Variants in GPR149 observed in about 807,000 individuals in gnomAD.
GPR149 encodes G protein-coupled receptor 149, also known as probable G protein-coupled receptor 149.
A neutral mutation model predicts 50.2 loss-of-function variants in GPR149; 50 were observed. That is an observed-to-expected ratio of 1.00 (90% CI 0.79 to 1.26). The LOEUF (loss-of-function observed/expected upper bound fraction) is 1.26. Ranked by LOEUF, GPR149 falls within the 50% of genes most tolerant of loss-of-function variation. The pLI is 0.00. For missense variants in GPR149, 983 were observed against 895.4 expected, an observed-to-expected ratio of 1.10 and a Z score of -1.25; for synonymous variants, 405 against 358.2, an observed-to-expected ratio of 1.13 and a Z score of -1.48.
chr3:154,398,122 A>C (rs1386447278), intron 3 of GPR149, among the ~76,000 whole-genome samples: 1 of 152,226 alleles, frequency 6.6e-6, no homozygotes, highest in African/African-American at 2.4e-5. Flanking sequence ...TGCCAGTTGC[A>C]GTTGTTAAAC....
Position 154,428,824 on chromosome 3 carries a change from A to C in GPR149, c.792T>G (p.Ser264=). 1 of 1,613,752 alleles carries C rather than the reference A, an allele frequency of 6.2e-7. No individual in the cohort carries two copies. Among genetic ancestry groups the C allele is most frequent in the Non-Finnish European group, 8.5e-7 (1 of 1,179,908 alleles). Residue 264 remains serine (S), a synonymous_variant, in exon 1 of 4, where the codon TCT becomes TCG. Coordinates refer to ENST00000389740, the MANE Select transcript of GPR149 (RefSeq NM_001038705.3). ...TGTCGGAGCTCGGAGAGCATCCCCC[A>C]GAGCGCCGCAGACTCGGGCCTGGAG... ...EDAPGPSLRR[S]GGCSPSSDTV... is the part of the protein sequence containing the mutation.
intron 3 of GPR149, among the ~76,000 whole-genome samples, chr3:154,416,690 CT>C (rs1711999978): frequency 6.6e-6 from 1 of 151,886 alleles, no homozygotes; most frequent in Non-Finnish European, 1.5e-5. Context: ...TTCCTCGATT[CT>C]CAGGCGACTT....
intron 3 of GPR149, among the ~76,000 whole-genome samples, chr3:154,407,719 C>T (rs1011877711): frequency 2.0e-5 from 3 of 150,368 alleles, no homozygotes. Context: ...CACACACACA[C>T]ATATATATAT....
At chr3:154,408,387 G>A (rs995436656) in intron 3 of GPR149, among the ~76,000 whole-genome samples, 5 of 152,204 alleles carry the variant, frequency 3.3e-5, no homozygotes, top group Non-Finnish European at 7.4e-5. Context: ...AAACCTGTGA[G>A]TCAGCTTGCA....
chr3:154,424,698 T>C (rs1046871665), intron 2 of GPR149, among the ~76,000 whole-genome samples: 20 of 151,818 alleles, frequency 1.3e-4, no homozygotes, highest in Non-Finnish European at 2.7e-4. Context: ...ATAAATATAA[T>C]TTTTGTTCTT....
chr3:154,371,602 T>C (rs1231387570), intron 3 of GPR149, among the ~76,000 whole-genome samples: 1 of 152,220 alleles, frequency 6.6e-6, no homozygotes. Context: ...ATTCTCTAGC[T>C]GCAGTAGTCC....
At chr3:154,385,426 A>G (rs1485108263) in intron 3 of GPR149, among the ~76,000 whole-genome samples, 2 of 152,150 alleles carry the variant, frequency 1.3e-5, no homozygotes, top group East Asian at 1.9e-4. Context: ...CAATAAACCA[A>G]TCATTGTCCT....
intron 3 of GPR149, among the ~76,000 whole-genome samples, chr3:154,379,536 T>A (rs78228005): frequency 0.048 from 7,368 of 152,194 alleles, 589 homozygotes; most frequent in African/African-American, 0.17. Context: ...TCACAGTAAT[T>A]TTTTCCTAAA....
At chr3:154,358,659 G>A (rs1021019334) in intron 3 of GPR149, among the ~76,000 whole-genome samples, 9 of 152,226 alleles carry the variant, frequency 5.9e-5, no homozygotes, top group Admixed American at 5.9e-4. Context: ...AAAGAAAGCA[G>A]ATTATAAACC....
rs1326953923 is a variant in GPR149 at position 154,337,801 on chromosome 3, C to A, written c.2094G>T (p.Gln698His). Residue 698 changes from glutamine (Q) to histidine (H), a missense_variant, in exon 4 of 4, where the codon CAG becomes CAT. Gln to His is a conservative substitution (Grantham distance 24). Coordinates refer to ENST00000389740, the MANE Select transcript of GPR149 (RefSeq NM_001038705.3). Reference protein sequence around the residue: ...SIPDTVEAHRQNSKRQHQERD... With the variant: ...SIPDTVEAHRHNSKRQHQERD... ...TCTCTTGATGCTGCCTTTTACTGTT[C>A]TGCCTGTGTGCTTCTACTGTGTCTG... 6.2e-6 allele frequency: 10 copies of A among 1,613,952 alleles called. No homozygotes were observed. The Admixed American group carries it at 1.5e-4, about 24-fold the overall frequency.
At chr3:154,344,675 A>G (rs1019687042) in intron 3 of GPR149, among the ~76,000 whole-genome samples, 2 of 152,204 alleles carry the variant, frequency 1.3e-5, no homozygotes, top group Non-Finnish European at 2.9e-5. Context: ...GTGAAGATGC[A>G]GATAACAATT....
At chr3:154,402,612 G>C (rs1302961075) in intron 3 of GPR149, among the ~76,000 whole-genome samples, 1 of 151,932 alleles carries the variant, frequency 6.6e-6, no homozygotes, top group African/African-American at 2.4e-5. Flanking sequence ...AAAAAAAGCT[G>C]TAAGACCCAA....
intron 3 of GPR149, among the ~76,000 whole-genome samples, chr3:154,396,063 AT>A (rs546227610): frequency 1.3e-5 from 2 of 151,980 alleles, no homozygotes; most frequent in African/African-American, 4.8e-5. Flanking sequence ...TTCCAAACAG[AT>A]TTTTTTTAAC....
At chr3:154,345,909 G>A (rs1234779932) in intron 3 of GPR149, among the ~76,000 whole-genome samples, 1 of 152,080 alleles carries the variant, frequency 6.6e-6, no homozygotes, top group Admixed American at 6.6e-5. Context: ...TCAAACACTT[G>A]CCCAGGGTCA....
chr3:154,361,533 G>T (rs1031686113), intron 3 of GPR149, among the ~76,000 whole-genome samples: 3 of 152,072 alleles, frequency 2.0e-5, no homozygotes, highest in African/African-American at 7.2e-5. Context: ...TTATATAGTG[G>T]ATAGGACAAT....
chr3:154,370,865 C>G (rs1017290632), intron 3 of GPR149, among the ~76,000 whole-genome samples: 1 of 152,176 alleles, frequency 6.6e-6, no homozygotes, highest in African/African-American at 2.4e-5. Flanking sequence ...TTTTCACATG[C>G]CTTTCTTGTT....
At chr3:154,367,889 T>A (rs1419051940) in intron 3 of GPR149, among the ~76,000 whole-genome samples, 17 of 152,226 alleles carry the variant, frequency 1.1e-4, no homozygotes, top group Non-Finnish European at 1.3e-4. Context: ...CTTGCTATTC[T>A]GTCCTGTCTT....
rs1485710638 is a variant in GPR149, at chr3:154,337,968, A to G, written c.1927T>C (p.Ser643Pro). ...GATGGAGATCTGACTTGTGTGGAGG[A>G]CTGACTGATGTTACTAATGATTGAC... Reference protein sequence around the residue: ...TVSIISNISQSSTQVRSPSLR... With the variant: ...TVSIISNISQPSTQVRSPSLR... Residue 643 changes from serine (S) to proline (P), a missense_variant, in exon 4 of 4, where the codon TCC (serine) becomes CCC (proline). Coordinates refer to ENST00000389740, the MANE Select transcript of GPR149 (RefSeq NM_001038705.3). 8.1e-6 allele frequency: 13 copies of G among 1,614,002 alleles called. No individual in the cohort carries two copies. The highest frequency in any genetic ancestry group is 1.1e-5 in the Non-Finnish European group (13 of 1,179,970).
Position 154,428,947 on chromosome 3 carries a change from C to A in GPR149, c.669G>T (p.Pro223=). The A allele has an allele frequency of 1.2e-6, 2 of 1,613,874 alleles. No individual in the cohort carries two copies. The highest frequency in any genetic ancestry group is 1.7e-6 in the Non-Finnish European group (2 of 1,179,932). Residue 223 remains proline, a synonymous_variant, in exon 1 of 4, where the codon CCG becomes CCT. Coordinates refer to ENST00000389740, the MANE Select transcript of GPR149 (RefSeq NM_001038705.3). ...THRLLCSEEP[P]RLHSNYQEIS... ...TTTCCTGGTAGTTGGAGTGGAGTCTCGGCGGCTCCTCCGAACACAGCAATC... is the reference window on the plus strand; with the variant it reads ...TTTCCTGGTAGTTGGAGTGGAGTCTAGGCGGCTCCTCCGAACACAGCAATC...
Sources: gnomAD v4.1 joint callset for allele counts (sites outside exome capture counted in the v4.1 genomes callset) on GRCh38, gnomAD v4.1.1 for gene constraint, MANE v1.5 for transcripts, NCBI Gene and HGNC (gene_info 2026-07-23, HGNC 2026-07-21) for gene names.